Variants in TENM1 observed in about 807,000 individuals in gnomAD.
TENM1 encodes teneurin transmembrane protein 1, also known as teneurin-1.
Under a neutral mutation model 174.8 loss-of-function variants are expected in TENM1, and 35 were observed. The ratio of observed to expected loss-of-function variants is 0.20; its 90% confidence interval spans 0.15 to 0.27. The LOEUF is 0.27. Among genes scored for constraint, TENM1 ranks in the 10% least tolerant of loss-of-function variants. The pLI, the probability that TENM1 is intolerant of heterozygous loss-of-function variation, is 1.00. For missense variants in TENM1, 1,633 were observed against 2,130.1 expected (o/e 0.77, Z 4.59); for synonymous variants, 781 against 798.7 (o/e 0.98, Z 0.37).
chrX:124,793,546 T>C (rs1010668760), intron 3 of TENM1, among the ~76,000 whole-genome samples: 20 of 111,442 alleles, frequency 1.8e-4, no homozygotes, highest in African/African-American at 5.9e-4. Flanking sequence ...CTGAAATATA[T>C]AGTGTAATGG....
chrX:125,014,618 AT>A, the TENM1 span, among the ~76,000 whole-genome samples: 8 of 111,323 alleles, frequency 7.2e-5, no homozygotes, highest in Admixed American at 4.8e-4. Flanking sequence ...TAGAAAAAAA[AT>A]ATATTTAAGT....
chrX:124,827,722 G>A (rs937065950), intron 3 of TENM1, among the ~76,000 whole-genome samples: 4 of 111,642 alleles, frequency 3.6e-5, no homozygotes, highest in Non-Finnish European at 7.5e-5. Flanking sequence ...AGTGTCAATC[G>A]GATAAGCAGC....
chrX:124,828,589 C>T (rs2056220202), intron 3 of TENM1, among the ~76,000 whole-genome samples: 1 of 112,369 alleles, frequency 8.9e-6, no homozygotes, highest in Non-Finnish European at 1.9e-5. Context: ...TCTCTGCCAA[C>T]CTCAGCCTTG....
chrX:124,769,472 C>T (rs776620356), intron 3 of TENM1, among the ~76,000 whole-genome samples: 11 of 111,523 alleles, frequency 9.9e-5, no homozygotes, highest in Non-Finnish European at 1.3e-4. Flanking sequence ...ATACAAGCTT[C>T]GTATGGATAT....
At chrX:124,790,026 C>T (rs747748262) in intron 3 of TENM1, among the ~76,000 whole-genome samples, 1 of 112,046 alleles carries the variant, frequency 8.9e-6, no homozygotes, top group Non-Finnish European at 1.9e-5. Flanking sequence ...GCCTTATAAT[C>T]ATAGCAGAAG....
intron 22 of TENM1, among the ~76,000 whole-genome samples, chrX:124,474,150 T>C (rs753578336): frequency 9.0e-6 from 1 of 111,656 alleles, no homozygotes; most frequent in Non-Finnish European, 1.9e-5. Context: ...ATTATAATTA[T>C]TATGACTATA....
chrX:124,420,986 A>C (rs2060646381), intron 24 of TENM1, among the ~76,000 whole-genome samples, 165 bp from the exon 28 acceptor site: 1 of 112,529 alleles, frequency 8.9e-6, no homozygotes, highest in Non-Finnish European at 1.9e-5. Flanking sequence ...ATTATTCAAA[A>C]GATTGTAATT....
At chrX:125,004,662 C>A in the TENM1 span, among the ~76,000 whole-genome samples, 4 of 111,507 alleles carry the variant, frequency 3.6e-5, no homozygotes, top group African/African-American at 1.3e-4. Flanking sequence ...ACACATATAC[C>A]TATCAACTAT....
rs754576547 is a variant in TENM1 at position 124,641,843 on chromosome X, G to A, written c.2025C>T (p.Asp675=). ...TGGGATCACAGCTGCATACTCCAGC[G>A]TCCAGAAGAAAAGTTCCGTGTCCTG... Residue 675 remains aspartate, a synonymous_variant, in exon 11 of 32, where the codon GAC becomes GAT. Coordinates refer to ENST00000422452, the Ensembl canonical transcript of TENM1. 276 of 1,209,933 alleles carry A rather than the reference G, an allele frequency of 2.3e-4. 1 individual carries two copies. In the South Asian group the frequency reaches 2.5e-3, roughly 11 times the overall value.
the TENM1 span, among the ~76,000 whole-genome samples, chrX:124,989,807 A>T: frequency 5.4e-5 from 6 of 111,126 alleles, no homozygotes; most frequent in East Asian, 5.6e-4. Flanking sequence ...TAACTTTCAC[A>T]TTCCCATTGT....
chrX:124,701,374 G>A (rs1192515817), intron 5 of TENM1, among the ~76,000 whole-genome samples: 10 of 111,619 alleles, frequency 9.0e-5, no homozygotes, highest in Non-Finnish European at 1.9e-4. Flanking sequence ...TCTGCTGACT[G>A]TGAAGAAACT....
chrX:124,437,441 T>C (rs1241611325), intron 23 of TENM1, among the ~76,000 whole-genome samples: 1 of 110,943 alleles, frequency 9.0e-6, no homozygotes, highest in Non-Finnish European at 1.9e-5. Context: ...TGTTATAAAG[T>C]TGGTTGTGAA....
the TENM1 span, among the ~76,000 whole-genome samples, chrX:124,989,722 A>C: frequency 2.1e-5 from 2 of 97,270 alleles, no homozygotes; most frequent in African/African-American, 1.0e-4. Context: ...TTCTGCAGGA[A>C]AAAAAAAAAA....
At chrX:125,094,194 C>A in the TENM1 span, among the ~76,000 whole-genome samples, 1 of 112,074 alleles carries the variant, frequency 8.9e-6, no homozygotes, top group African/African-American at 3.2e-5. Context: ...TGAATTTGTT[C>A]TCTGAGGCTG....
the TENM1 span, among the ~76,000 whole-genome samples, chrX:125,151,144 G>C: frequency 8.9e-6 from 1 of 112,204 alleles, no homozygotes; most frequent in African/African-American, 3.2e-5. Context: ...TATAGCAGCG[G>C]TTATATTGAA....
upstream of TENM1, chrX:124,963,871 A>T (rs1404770273): frequency 3.4e-6 from 2 of 588,255 alleles, no homozygotes; most frequent in East Asian, 6.6e-5. Context: ...TTTTGTGAGG[A>T]AATGCATCTG....
At chrX:124,993,757 AAGT>A in the TENM1 span, among the ~76,000 whole-genome samples, 1 of 111,134 alleles carries the variant, frequency 9.0e-6, no homozygotes, top group African/African-American at 3.3e-5. Context: ...TAAGTGAAAA[AAGT>A]AGATTATAAT....
intron 3 of TENM1, among the ~76,000 whole-genome samples, chrX:124,810,955 A>G (rs1175729471): frequency 9.0e-6 from 1 of 111,648 alleles, no homozygotes; most frequent in Non-Finnish European, 1.9e-5. Flanking sequence ...GGAAAAGACA[A>G]TCTCTTCAAT....
the TENM1 span, among the ~76,000 whole-genome samples, chrX:125,025,067 A>G: frequency 8.9e-6 from 1 of 111,740 alleles, no homozygotes; most frequent in Non-Finnish European, 1.9e-5. Flanking sequence ...AAAATATCGA[A>G]TACAAGGCAA....
Sources: allele counts gnomAD v4.1 joint callset (sites outside exome capture counted in the v4.1 genomes callset), GRCh38; gene constraint gnomAD v4.1.1; transcripts MANE v1.5; gene names NCBI Gene and HGNC (gene_info 2026-07-23, HGNC 2026-07-21).